The following ACVR2A variants were observed in gnomAD, a reference collection of about 807,000 sequenced individuals.
ACVR2A encodes the protein activin A receptor type 2A.
In ACVR2A, 7 loss-of-function variants were observed where a neutral mutation model predicts 61.4. The observed-to-expected ratio is 0.11, with a 90% CI of 0.06 to 0.21. The LOEUF is 0.21. Among genes scored for constraint, ACVR2A ranks in the 10% least tolerant of loss-of-function variants. ACVR2A has a pLI of 1.00. For synonymous variants in ACVR2A, 193 were observed against 208.3 expected (o/e 0.93, Z 0.63); for missense variants, 322 against 621.7 (o/e 0.52, Z 5.13).
At chr2:147,910,725 C>T (rs967354377) in intron 4 of ACVR2A, among the ~76,000 whole-genome samples, 16 of 152,022 alleles carry the variant, frequency 1.1e-4, no homozygotes, top group Non-Finnish European at 1.5e-5. Context: ...TTTGGGATGA[C>T]TGGAAAAATG....
At chr2:147,846,473 G>A (rs1489860460) in intron 1 of ACVR2A, among the ~76,000 whole-genome samples, 1 of 151,772 alleles carries the variant, frequency 6.6e-6, no homozygotes, top group Non-Finnish European at 1.5e-5. Flanking sequence ...TTTGCTGAAT[G>A]GTACATTTCC....
chr2:147,908,419 G>A (rs1687041195), intron 4 of ACVR2A, among the ~76,000 whole-genome samples: 1 of 152,086 alleles, frequency 6.6e-6, no homozygotes, highest in Admixed American at 6.6e-5. Context: ...ACCTGCCTTG[G>A]CCTTTCTTTG....
intron 4 of ACVR2A, among the ~76,000 whole-genome samples, chr2:147,909,149 G>T (rs559456657): frequency 9.9e-5 from 15 of 152,066 alleles, no homozygotes; most frequent in Non-Finnish European, 1.6e-4. Flanking sequence ...CACCTTAACT[G>T]CTTCTCCCTA....
chr2:147,915,375 A>G (rs1340496654), intron 5 of ACVR2A, 41 bp downstream of exon 5: 3 of 1,606,750 alleles, frequency 1.9e-6, no homozygotes, highest in Non-Finnish European at 2.6e-6. Context: ...TACATGTTTT[A>G]TGGCTAGGTC....
intron 1 of ACVR2A, among the ~76,000 whole-genome samples, chr2:147,853,956 G>C (rs1685504963): frequency 6.6e-6 from 1 of 152,126 alleles, no homozygotes; most frequent in African/African-American, 2.4e-5. Context: ...AAACCAAGAT[G>C]TATTAAATGA....
chr2:147,926,378 A>G (rs576636500), intron 10 of ACVR2A, among the ~76,000 whole-genome samples: 26 of 152,018 alleles, frequency 1.7e-4, no homozygotes, highest in African/African-American at 6.0e-4. Flanking sequence ...TTTTGTCTCA[A>G]TGGTCCTGTG....
At chr2:147,848,256 C>A (rs962716933) in intron 1 of ACVR2A, among the ~76,000 whole-genome samples, 3 of 152,104 alleles carry the variant, frequency 2.0e-5, no homozygotes, top group Non-Finnish European at 4.4e-5. Flanking sequence ...AACATGGAGA[C>A]TAGAAACAAA....
At chr2:147,887,580 A>G (rs1417604561) in intron 1 of ACVR2A, among the ~76,000 whole-genome samples, 4 of 152,202 alleles carry the variant, frequency 2.6e-5, no homozygotes, top group African/African-American at 9.6e-5. Flanking sequence ...TCAGGTATCT[A>G]TCATTATTTT....
chr2:147,905,084 C>A (rs182640243), intron 4 of ACVR2A, among the ~76,000 whole-genome samples: 1 of 151,922 alleles, frequency 6.6e-6, no homozygotes, highest in Non-Finnish European at 1.5e-5. Context: ...TACAGAAAGA[C>A]GTATGAAAAA....
chr2:147,887,868 G>A (rs1189273743), intron 1 of ACVR2A, among the ~76,000 whole-genome samples: 2 of 152,158 alleles, frequency 1.3e-5, no homozygotes, highest in Non-Finnish European at 2.9e-5. Context: ...TTGGGAGAAG[G>A]AGGAGTCCTG....
At position 147,929,079 on chromosome 2, in the gene ACVR2A, C is replaced by T. The variant is rs944252079; in HGVS notation, c.*1805C>T. ...TATTTATAAACAATACATAGGTCAA[C>T]AGACTTTAAGCAGGGAGGAAAAGAA... On this transcript the variant is annotated 3_prime_UTR_variant, in exon 11 of 11. Transcript: ENST00000241416. The T allele has an allele frequency of 6.6e-6, 1 of 152,386 alleles. No homozygotes were observed. The highest frequency in any genetic ancestry group is 2.4e-5 in the African/African-American group (1 of 41,418). The allele number at this position is 152,386 out of a possible 1,614,324, so 9.4% of individuals were successfully genotyped here.
intron 1 of ACVR2A, among the ~76,000 whole-genome samples, chr2:147,848,895 T>TC (rs572547674): frequency 6.6e-6 from 1 of 152,124 alleles, no homozygotes; most frequent in African/African-American, 2.4e-5. Flanking sequence ...TCTGCTCTCT[T>TC]CCCCCTAAAG....
intron 8 of ACVR2A, among the ~76,000 whole-genome samples, chr2:147,922,061 C>T (rs561892620): frequency 1.3e-4 from 19 of 149,576 alleles, no homozygotes; most frequent in African/African-American, 4.1e-4. Context: ...CATACATTTA[C>T]CTGTAAGAGA....
intron 1 of ACVR2A, among the ~76,000 whole-genome samples, chr2:147,865,313 T>C (rs1685826132): frequency 1.3e-5 from 2 of 152,234 alleles, no homozygotes; most frequent in South Asian, 4.1e-4. Flanking sequence ...GTACCTTTTG[T>C]TCCCTCTTTA....
chr2:147,918,554 T>C lies in ACVR2A; in HGVS notation c.924T>C (p.Pro308=). The change falls in exon 7 of 11, where the codon CCT becomes CCC. Residue 308 remains proline, a synonymous_variant. Transcript: ENST00000241416. ...TGGCATATTTACATGAGGATATACC[T>C]GGCCTAAAAGATGGCCACAAACCTG... ...RGLAYLHEDI[P]GLKDGHKPAI... 6.2e-7 allele frequency: 1 copy of C among 1,610,080 alleles called. No homozygotes were observed. The highest frequency in any genetic ancestry group is 1.3e-5 in the African/African-American group (1 of 74,824).
intron 1 of ACVR2A, among the ~76,000 whole-genome samples, chr2:147,874,990 CA>C (rs1379673806): frequency 1.3e-5 from 2 of 151,852 alleles, no homozygotes; most frequent in Non-Finnish European, 2.9e-5. Context: ...TCCTGTCCAC[CA>C]AATTATGAGC....
chr2:147,886,091 A>G (rs1686424753), intron 1 of ACVR2A, among the ~76,000 whole-genome samples: 1 of 152,270 alleles, frequency 6.6e-6, no homozygotes, highest in East Asian at 1.9e-4. Flanking sequence ...GAAAGATTGT[A>G]CTATACCAGA....
chr2:147,901,834 T>G (rs1686877360), intron 4 of ACVR2A, among the ~76,000 whole-genome samples: 1 of 152,074 alleles, frequency 6.6e-6, no homozygotes, highest in African/African-American at 2.4e-5. Context: ...TTTTGTCATC[T>G]TTTGCAGTCT....
intron 1 of ACVR2A, among the ~76,000 whole-genome samples, chr2:147,850,376 C>G (rs571895023): frequency 6.6e-6 from 1 of 152,128 alleles, no homozygotes; most frequent in South Asian, 2.1e-4. Flanking sequence ...TGGACTACCT[C>G]GCACACCCTC....
Sources: gnomAD v4.1 joint callset for allele counts (sites outside exome capture counted in the v4.1 genomes callset) on GRCh38, gnomAD v4.1.1 for gene constraint, MANE v1.5 for transcripts, NCBI Gene and HGNC (gene_info 2026-07-23, HGNC 2026-07-21) for gene names.